DOCK11: variants seen among roughly 807,000 people sequenced by gnomAD.
DOCK11 encodes dedicator of cytokinesis protein 11.
Under a neutral mutation model 169.1 loss-of-function variants are expected in DOCK11, and 70 were observed. That is an observed-to-expected ratio of 0.41 (90% CI 0.34 to 0.51). DOCK11 has a LOEUF of 0.51. Ranked by LOEUF, DOCK11 falls within the 20% of genes least tolerant of loss-of-function variation. DOCK11 has a pLI of 0.10. For synonymous variants in DOCK11, 529 were observed against 541.3 expected (o/e 0.98, Z 0.32); for missense variants, 1,166 against 1,538.8 (o/e 0.76, Z 4.05).
chrX:118,591,136 A>G (rs1281131185), intron 19 of DOCK11, among the ~76,000 whole-genome samples: 1 of 112,054 alleles, frequency 8.9e-6, no homozygotes, highest in East Asian at 2.8e-4. Context: ...CTTGGTCTGA[A>G]ACCATCCCCC....
rs1465153938 is a variant in DOCK11, at chrX:118,648,251, C to T, written c.4399-694C>T. Among the ~76,000 whole-genome samples, 7 of 80,948 alleles carry T rather than the reference C, an allele frequency of 8.6e-5. No individual in the cohort carries two copies. In the Admixed American group the frequency reaches 9.4e-4, roughly 11 times the overall value. 70.3% of individuals were successfully genotyped at this position (80,948 alleles called of 115,157 possible). ...TATAATATATATATAAAAGTAATTG[C>T]GGTTTTTGCCACTATATAGTGATAT... On this transcript the variant is annotated intron_variant, in intron 40 of 52. Coordinates refer to ENST00000276202, the MANE Select transcript of DOCK11 (RefSeq NM_144658.4).
intron 40 of DOCK11, among the ~76,000 whole-genome samples, chrX:118,643,897 A>T (rs1187759442): frequency 8.9e-6 from 1 of 111,953 alleles, no homozygotes; most frequent in East Asian, 2.8e-4. Context: ...TCTTTTTAAA[A>T]GTATTGTCAT....
At chrX:118,586,597 C>T (rs1261018633) in intron 16 of DOCK11, among the ~76,000 whole-genome samples, 1 of 111,509 alleles carries the variant, frequency 9.0e-6, no homozygotes, top group Non-Finnish European at 1.9e-5. Context: ...AACCATATCA[C>T]AAGGGCAGCT....
intron 5 of DOCK11, 96 bp from the exon 6 acceptor site, chrX:118,545,925 G>A: frequency 1.8e-6 from 1 of 552,052 alleles, no homozygotes. Flanking sequence ...GTTTTAATTA[G>A]GAAATGGGCA....
At position 118,628,185 on chromosome X, in the gene DOCK11, A is replaced by G; in HGVS notation, c.3687A>G (p.Gly1229=). ...KDTAYGSFQN[G]HGIKREDSRG... Reference sequence around the variant, plus strand: ...CAGCTTATGGGTCTTTTCAAAATGGACATGGAATTAAGAGAGAAGATTCAA... The same window carrying G: ...CAGCTTATGGGTCTTTTCAAAATGGGCATGGAATTAAGAGAGAAGATTCAA... Residue 1229 remains glycine, a synonymous_variant, in exon 34 of 53, where the codon GGA becomes GGG. Coordinates refer to ENST00000276202, the MANE Select transcript of DOCK11 (RefSeq NM_144658.4). 8.3e-7 allele frequency: 1 copy of G among 1,201,868 alleles called. No homozygotes were observed. The highest frequency in any genetic ancestry group is 1.8e-5 in the South Asian group (1 of 55,302).
At chrX:118,606,778 A>T (rs1302826377) in intron 24 of DOCK11, among the ~76,000 whole-genome samples, 1 of 111,749 alleles carries the variant, frequency 8.9e-6, no homozygotes, top group East Asian at 2.8e-4. Context: ...CAGTAGCATC[A>T]ATATCGCCTG....
intron 1 of DOCK11, among the ~76,000 whole-genome samples, chrX:118,516,635 A>G (rs1347376633): frequency 9.3e-6 from 1 of 107,899 alleles, no homozygotes; most frequent in Admixed American, 1.0e-4. Context: ...GGGTTTCGCC[A>G]TGTTGGCCAG....
chrX:118,665,460 T>C (rs537537941), intron 45 of DOCK11, among the ~76,000 whole-genome samples: 2 of 112,398 alleles, frequency 1.8e-5, no homozygotes, highest in Non-Finnish European at 1.9e-5. Context: ...ACTGAACTTA[T>C]ATCCTTGCCT....
chrX:118,643,743 A>G, intron 40 of DOCK11, 149 bp downstream of exon 40: 6 of 625,330 alleles, frequency 9.6e-6, no homozygotes, highest in Non-Finnish European at 1.5e-5. Context: ...CAGAACAACA[A>G]AGCACACACA....
intron 24 of DOCK11, among the ~76,000 whole-genome samples, chrX:118,605,986 G>A (rs2014487098): frequency 9.1e-6 from 1 of 110,346 alleles, no homozygotes; most frequent in Non-Finnish European, 1.9e-5. Context: ...TTCCAATTAT[G>A]TAAATGTTCT....
chrX:118,560,693 A>G (rs750294444), intron 6 of DOCK11, among the ~76,000 whole-genome samples: 1 of 112,165 alleles, frequency 8.9e-6, no homozygotes, highest in South Asian at 3.7e-4. Context: ...GCATGAACTC[A>G]TCAGGCAGTC....
rs147701437 is a variant in DOCK11, at chrX:118,556,048, CT to C, written c.559-5321del. Among the ~76,000 whole-genome samples the C allele has an allele frequency of 4.1e-3, 406 of 98,589 alleles. 2 individuals are homozygous for C. Among genetic ancestry groups the C allele is most frequent in the African/African-American group, 9.6e-3 (264 of 27,448 alleles). The allele number at this position is 98,589 out of a possible 115,157, so 85.6% of individuals were successfully genotyped here. On this transcript the variant is annotated intron_variant, in intron 6 of 52. Coordinates refer to ENST00000276202, the MANE Select transcript of DOCK11 (RefSeq NM_144658.4). Reference sequence around the variant, plus strand: ...AAGGTTTTCCTACTTTCTTTTCTTTCTTTTTTTTTTTTTTGACAGAGGATCT... The same window carrying C: ...AAGGTTTTCCTACTTTCTTTTCTTTCTTTTTTTTTTTTTGACAGAGGATCT...
Position 118,637,864 on chromosome X carries a change from A to G in DOCK11, c.3954-216A>G, listed in dbSNP as rs764271578. Among the ~76,000 whole-genome samples, 12 of 111,960 alleles carry G rather than the reference A, an allele frequency of 1.1e-4. No individual in the cohort carries two copies. The East Asian group carries it at 3.1e-3, about 28-fold the overall frequency. The stretch of plus-strand genomic sequence containing the variant: ...TTTTTAAACCTGTCATTAAAATTGT[A>G]TATGAAAACATGATGTAATTGTAGC... On this transcript the variant is annotated intron_variant, in intron 36 of 52. Transcript: ENST00000276202.
chrX:118,545,949 T>C, intron 5 of DOCK11, 72 bp from the exon 6 acceptor site: 1 of 699,389 alleles, frequency 1.4e-6, no homozygotes, highest in African/African-American at 2.1e-5. Context: ...CCTCATTCTG[T>C]GCCCCTAAAT....
chrX:118,567,745 A>G (rs2013126316), intron 9 of DOCK11, among the ~76,000 whole-genome samples: 1 of 111,947 alleles, frequency 8.9e-6, no homozygotes, highest in South Asian at 3.7e-4. Flanking sequence ...ATCTTATAAA[A>G]TGATTTTATA....
chrX:118,593,980 T>A (rs151165098), intron 20 of DOCK11, among the ~76,000 whole-genome samples: 142 of 112,189 alleles, frequency 1.3e-3, no homozygotes, highest in Non-Finnish European at 2.1e-3. Context: ...ATTTTTGTTA[T>A]TTCTTTTATG....
At chrX:118,672,259 A>G (rs1477806619) in intron 46 of DOCK11, among the ~76,000 whole-genome samples, 1 of 112,261 alleles carries the variant, frequency 8.9e-6, no homozygotes, top group South Asian at 3.6e-4. Context: ...TTAATAAAGA[A>G]TAGTAGTATA....
chrX:118,582,132 A>G (rs925938870), intron 14 of DOCK11, among the ~76,000 whole-genome samples: 10 of 110,585 alleles, frequency 9.0e-5, no homozygotes, highest in Non-Finnish European at 1.7e-4. Context: ...TGTCTCGGGG[A>G]AAAAAAAAGT....
intron 1 of DOCK11, among the ~76,000 whole-genome samples, chrX:118,515,659 A>G (rs2057678361): frequency 9.1e-6 from 1 of 110,330 alleles, no homozygotes. Context: ...GGTTTTAGAG[A>G]GGATTGATAT....
Sources: allele counts gnomAD v4.1 joint callset (sites outside exome capture counted in the v4.1 genomes callset), GRCh38; gene constraint gnomAD v4.1.1; transcripts MANE v1.5; gene names NCBI Gene and HGNC (gene_info 2026-07-23, HGNC 2026-07-21).